Variants in DDX10 observed in about 807,000 individuals in gnomAD.
DDX10 encodes probable ATP-dependent RNA helicase DDX10.
A neutral mutation model predicts 104.3 loss-of-function variants in DDX10; 74 were observed. That is an observed-to-expected ratio of 0.71 (90% CI 0.59 to 0.86). The LOEUF is 0.86. DDX10 is among the 40% of genes least tolerant of loss of function. The pLI, the probability that DDX10 is intolerant of heterozygous loss-of-function variation, is 0.00. For missense variants in DDX10, 952 were observed against 1,040.0 expected (o/e 0.92, Z 1.16); for synonymous variants, 351 against 353.4 (o/e 0.99, Z 0.08).
At chr11:108,856,246 A>G (rs772028783) in intron 16 of DDX10, among the ~76,000 whole-genome samples, 4 of 152,278 alleles carry the variant, frequency 2.6e-5, no homozygotes, top group East Asian at 1.9e-4. Context: ...CCTGGCCAAC[A>G]TGGCAAAACC....
At chr11:108,801,280 A>G (rs754668551) in intron 13 of DDX10, among the ~76,000 whole-genome samples, 1 of 152,228 alleles carries the variant, frequency 6.6e-6, no homozygotes. Context: ...GAGAAATGAC[A>G]GGTTTGATAT....
At chr11:108,921,753 A>G (rs1326787179) in intron 17 of DDX10, 1 of 152,274 alleles carries the variant, frequency 6.6e-6, no homozygotes, top group Non-Finnish European at 1.5e-5. Flanking sequence ...AGGTCACGAG[A>G]TCGAGACCAT....
intron 4 of DDX10, among the ~76,000 whole-genome samples, chr11:108,677,895 A>G (rs1238401388): frequency 6.6e-6 from 1 of 151,998 alleles, no homozygotes; most frequent in African/African-American, 2.4e-5. Flanking sequence ...TCTTGTATCA[A>G]GGAGAGAACC....
At chr11:108,680,117 T>C (rs1253329825) in intron 6 of DDX10, among the ~76,000 whole-genome samples, 1 of 152,236 alleles carries the variant, frequency 6.6e-6, no homozygotes, top group African/African-American at 2.4e-5. Context: ...CTAGCAACTA[T>C]TGTTTTGTCT....
chr11:108,897,667 T>C (rs539055931), intron 16 of DDX10, among the ~76,000 whole-genome samples: 2 of 152,164 alleles, frequency 1.3e-5, no homozygotes, highest in Admixed American at 1.3e-4. Flanking sequence ...ATTTTAACTT[T>C]GTTTTAAATC....
chr11:108,782,075 C>T (rs1210910395), intron 13 of DDX10, among the ~76,000 whole-genome samples: 1 of 152,164 alleles, frequency 6.6e-6, no homozygotes, highest in African/African-American at 2.4e-5. Context: ...AGGCTTGCAG[C>T]CCTAGGGCAC....
chr11:108,932,859 G>C (rs1863991138), intron 17 of DDX10, among the ~76,000 whole-genome samples: 2 of 151,850 alleles, frequency 1.3e-5, no homozygotes, highest in Non-Finnish European at 2.9e-5. Context: ...TATACTCTTT[G>C]TTGAAATATT....
intron 14 of DDX10, among the ~76,000 whole-genome samples, chr11:108,839,813 C>T (rs961669082): frequency 3.3e-5 from 5 of 152,134 alleles, no homozygotes; most frequent in African/African-American, 9.7e-5. Flanking sequence ...GAGAAACAGA[C>T]TAAACTAGAA....
At chr11:108,864,545 T>C (rs528544420) in intron 16 of DDX10, among the ~76,000 whole-genome samples, 3 of 152,152 alleles carry the variant, frequency 2.0e-5, no homozygotes, top group Admixed American at 6.5e-5. Context: ...TGATCTTGGC[T>C]CACTGCAGCC....
intron 17 of DDX10, among the ~76,000 whole-genome samples, chr11:108,926,744 C>T (rs1019654418): frequency 4.6e-5 from 7 of 152,050 alleles, no homozygotes; most frequent in Non-Finnish European, 8.8e-5. Flanking sequence ...TGCATGGCCT[C>T]GTAAATTAAA....
chr11:108,850,919 C>A (rs945914904), intron 15 of DDX10, among the ~76,000 whole-genome samples: 4 of 152,004 alleles, frequency 2.6e-5, no homozygotes, highest in African/African-American at 9.7e-5. Context: ...AATAGTAATA[C>A]CTTTATAAGT....
intron 16 of DDX10, among the ~76,000 whole-genome samples, chr11:108,916,443 G>A (rs890238): frequency 2.5e-3 from 387 of 152,048 alleles, no homozygotes; most frequent in Non-Finnish European, 4.4e-3. Flanking sequence ...AAAATAATAA[G>A]GGACTTTTGC....
intron 13 of DDX10, among the ~76,000 whole-genome samples, chr11:108,815,557 A>G (rs1181832058): frequency 6.6e-6 from 1 of 152,230 alleles, no homozygotes; most frequent in Non-Finnish European, 1.5e-5. Flanking sequence ...TCAAGGGTCA[A>G]CTGTGTACTT....
At chr11:108,668,544 G>A (rs186506204) in intron 1 of DDX10, among the ~76,000 whole-genome samples, 173 of 152,292 alleles carry the variant, frequency 1.1e-3, no homozygotes, top group Non-Finnish European at 2.0e-3. Context: ...GGTAAACAAG[G>A]TGCAGGCCCT....
At position 108,821,327 on chromosome 11, in the gene DDX10, T is replaced by C. The variant is rs1862322913; in HGVS notation, c.1966-17119T>C. Among the ~76,000 whole-genome samples the C allele has an allele frequency of 2.0e-5, 3 of 152,224 alleles. No homozygotes were observed. In the South Asian group the frequency reaches 6.2e-4, roughly 32 times the overall value. ...CTCTCTGGGATAGTAGGAAGGAGAA[T>C]GATTTTTAAAAAGTTGATTATGTAG... On this transcript the variant is annotated intron_variant, in intron 13 of 17. Coordinates refer to ENST00000322536, the MANE Select transcript of DDX10 (RefSeq NM_004398.4).
intron 16 of DDX10, among the ~76,000 whole-genome samples, chr11:108,895,046 G>A (rs1464522579): frequency 6.6e-6 from 1 of 151,914 alleles, no homozygotes; most frequent in Non-Finnish European, 1.5e-5. Flanking sequence ...TGGAATTTTA[G>A]GCAACTTGTA....
intron 16 of DDX10, among the ~76,000 whole-genome samples, chr11:108,914,427 G>A (rs1863718686): frequency 6.6e-6 from 1 of 152,152 alleles, no homozygotes; most frequent in Non-Finnish European, 1.5e-5. Flanking sequence ...TCTTGGCTAA[G>A]TACCACATTG....
chr11:108,811,985 G>T (rs1448881522), intron 13 of DDX10, among the ~76,000 whole-genome samples: 1 of 152,112 alleles, frequency 6.6e-6, no homozygotes, highest in Non-Finnish European at 1.5e-5. Flanking sequence ...TTATGTGGAA[G>T]ATCTTGATCT....
At chr11:108,733,339 G>A (rs1321827105) in intron 13 of DDX10, among the ~76,000 whole-genome samples, 5 of 151,944 alleles carry the variant, frequency 3.3e-5, no homozygotes, top group African/African-American at 1.2e-4. Context: ...GTTACCTAAC[G>A]GATGCCAGGG....
Sources: allele counts gnomAD v4.1 joint callset (sites outside exome capture counted in the v4.1 genomes callset), GRCh38; gene constraint gnomAD v4.1.1; transcripts MANE v1.5; gene names NCBI Gene and HGNC (gene_info 2026-07-23, HGNC 2026-07-21).